Variants in TMEM143 observed in about 807,000 individuals in gnomAD.
TMEM143 encodes transmembrane protein 143.
Under a neutral mutation model 40.3 loss-of-function variants are expected in TMEM143, and 45 were observed. That is an observed-to-expected ratio of 1.12 (90% CI 0.88 to 1.43). TMEM143 has a LOEUF of 1.43. Among genes scored for constraint, TMEM143 ranks in the 40% most tolerant of loss-of-function variants. The pLI is 0.00. For missense variants in TMEM143, 620 were observed against 613.4 expected (o/e 1.01, Z -0.11); for synonymous variants, 299 against 282.7 (o/e 1.06, Z -0.58).
rs144983021 is a variant in TMEM143 at position 48,336,069 on chromosome 19, C to T, written c.976-1872G>A. Among the ~76,000 whole-genome samples the T allele has an allele frequency of 3.7e-3, 567 of 152,126 alleles. 3 individuals carry two copies. The highest frequency in any genetic ancestry group is 0.013 in the African/African-American group (520 of 41,488). On this transcript the variant is annotated intron_variant, in intron 6 of 7. Coordinates refer to ENST00000293261, the MANE Select transcript of TMEM143 (RefSeq NM_018273.4). The stretch of plus-strand genomic sequence containing the variant: ...TAAGGAGAAATGAGGGCATCAGTGC[C>T]CTCTGGGCTCCCACTGAAAAACTGT...
intron 3 of TMEM143, among the ~76,000 whole-genome samples, chr19:48,348,846 C>T (rs936748912): frequency 1.3e-5 from 2 of 152,118 alleles, no homozygotes; most frequent in Non-Finnish European, 2.9e-5. Context: ...CCTCACAGGA[C>T]CGTAAATCCC....
rs1185175779 is a variant in TMEM143 at position 48,345,324 on chromosome 19, C to A, written c.400G>T (p.Glu134Ter). 1 of 1,587,624 alleles carries A rather than the reference C, an allele frequency of 6.3e-7. No homozygotes were observed. Among genetic ancestry groups the A allele is most frequent in the Non-Finnish European group, 8.6e-7 (1 of 1,167,774 alleles). ...GTTAGTGATGGCTGATCGAGGGTCT[C>A]CCTGTCAGGGTTGATGGGGTCATAT... Reference protein sequence around the residue: ...ALYDPINPDRETLDQPSLTDP... With the variant: ...ALYDPINPDR Residue 134 changes from glutamate to a stop codon, truncating the protein, a stop_gained, in exon 4 of 8, where the codon GAG (glutamate) becomes TAG (stop). Coordinates refer to ENST00000293261, the MANE Select transcript of TMEM143 (RefSeq NM_018273.4). LOFTEE classifies it high-confidence loss of function.
At position 48,347,427 on chromosome 19, in the gene TMEM143, T is replaced by C. The variant is rs111645139; in HGVS notation, c.370-2073A>G. On this transcript the variant is annotated intron_variant, in intron 3 of 7. Coordinates refer to ENST00000293261, the MANE Select transcript of TMEM143 (RefSeq NM_018273.4). ...AAGGAGACTGGGATGCAGAAGAGAT[T>C]CAAAGGCCGGCACAGTGGCTCACGC... Among the ~76,000 whole-genome samples, 1,435 of 152,138 alleles carry C rather than the reference T, an allele frequency of 9.4e-3. 32 individuals are homozygous for C. Among genetic ancestry groups the C allele is most frequent in the African/African-American group, 0.033 (1,361 of 41,502 alleles).
In TMEM143 at chr19:48,332,535, A is replaced by G. The variant is rs1217114697; in HGVS notation, c.*684T>C. ...GTTGCCGGGAGCCAGGTTGGGAGCG[A>G]GTCTTGGTGGCGAGGGTGGTTTCTG... On this transcript the variant is annotated 3_prime_UTR_variant, in exon 8 of 8. Transcript: ENST00000293261. 1 of 152,184 alleles carries G rather than the reference A, an allele frequency of 6.6e-6. No homozygotes were observed. The highest frequency in any genetic ancestry group is 1.5e-5 in the Non-Finnish European group (1 of 68,050). 9.4% of individuals were successfully genotyped at this position (152,184 alleles called of 1,614,324 possible).
chr19:48,334,515 TTCTTTC>T (rs1161511724), intron 6 of TMEM143, among the ~76,000 whole-genome samples: 3 of 149,188 alleles, frequency 2.0e-5, no homozygotes, highest in African/African-American at 5.0e-5. Flanking sequence ...TTTCTTTTCT[TTCTTTC>T]TCTTTCTTTC....
At chr19:48,336,872 T>C (rs1969381489) in intron 6 of TMEM143, among the ~76,000 whole-genome samples, 1 of 146,630 alleles carries the variant, frequency 6.8e-6, no homozygotes, top group Non-Finnish European at 1.5e-5. Context: ...AAAAACAAAA[T>C]TAGCTGGGCG....
Position 48,345,166 on chromosome 19 carries a change from CT to C in TMEM143, c.557del (p.Glu186GlyfsTer4). ...YALVVHHPQD[E>X]VQVTVNLDQY... Reference sequence around the variant, plus strand: ...CTCCTAGGGAGCCAAGTACCTGGACCTCATCCTGAGGGTGGTGGACCACCAG... The same window carrying C: ...CTCCTAGGGAGCCAAGTACCTGGACCCATCCTGAGGGTGGTGGACCACCAG... On this transcript the variant is annotated frameshift_variant, in exon 4 of 8. Coordinates refer to ENST00000293261, the MANE Select transcript of TMEM143 (RefSeq NM_018273.4). LOFTEE classifies it high-confidence loss of function. The C allele has an allele frequency of 6.2e-7, 1 of 1,613,176 alleles. No homozygotes were observed. The highest frequency in any genetic ancestry group is 1.3e-5 in the African/African-American group (1 of 74,950).
chr19:48,348,392 C>T (rs1006272073), intron 3 of TMEM143, among the ~76,000 whole-genome samples: 13 of 152,134 alleles, frequency 8.5e-5, no homozygotes, highest in East Asian at 1.9e-4. Flanking sequence ...CCTCCCCACC[C>T]GCCTGGTCCC....
At chr19:48,339,821 C>T (rs547729617) in intron 6 of TMEM143, among the ~76,000 whole-genome samples, 26 of 151,876 alleles carry the variant, frequency 1.7e-4, no homozygotes, top group Non-Finnish European at 3.4e-4. Flanking sequence ...CTCCACCTCC[C>T]GAGTTCAAGT....
chr19:48,363,529 A>C lies in TMEM143; in HGVS notation c.26T>G (p.Leu9Arg), dbSNP rs1380865883. The change falls in exon 2 of 8, where the codon CTC becomes CGC. Residue 9 changes from leucine (L) to arginine (R), a missense_variant and splice_region_variant. Coordinates refer to ENST00000293261, the MANE Select transcript of TMEM143 (RefSeq NM_018273.4). Reference sequence around the variant, plus strand: ...CAGCATGGCTAGACCCTTTCCCCGGAGCCTAAACAGAGGAAAATGGGCAGG... The same window carrying C: ...CAGCATGGCTAGACCCTTTCCCCGGCGCCTAAACAGAGGAAAATGGGCAGG... MTVELWLR[L>R]RGKGLAMLHV... 6.3e-7 allele frequency: 1 copy of C among 1,597,772 alleles called. No homozygotes were observed. Among genetic ancestry groups the C allele is most frequent in the East Asian group, 2.2e-5 (1 of 44,592 alleles).
intron 3 of TMEM143, among the ~76,000 whole-genome samples, chr19:48,349,124 T>C (rs575071111): frequency 6.6e-6 from 1 of 151,660 alleles, no homozygotes; most frequent in Admixed American, 6.6e-5. Context: ...CCCAGGAGAT[T>C]AAGTCTATAG....
intron 3 of TMEM143, among the ~76,000 whole-genome samples, chr19:48,351,708 C>T (rs1969778516): frequency 6.6e-6 from 1 of 152,118 alleles, no homozygotes; most frequent in Non-Finnish European, 1.5e-5. Context: ...CGTGGAGTTC[C>T]CTCACATCTC....
chr19:48,335,931 G>C (rs1969356675), intron 6 of TMEM143, among the ~76,000 whole-genome samples: 1 of 151,988 alleles, frequency 6.6e-6, no homozygotes, highest in Non-Finnish European at 1.5e-5. Flanking sequence ...GAGAAGAGGA[G>C]AGGGGAAGGA....
chr19:48,358,997 A>T (rs4802470), intron 3 of TMEM143, among the ~76,000 whole-genome samples: 2 of 152,078 alleles, frequency 1.3e-5, no homozygotes, highest in African/African-American at 2.4e-5. Flanking sequence ...GGTGAAACCC[A>T]GTCTCTACAA....
At position 48,333,974 on chromosome 19, in the gene TMEM143, C is replaced by T; in HGVS notation, c.1165+34G>A. 1 of 1,496,616 alleles carries T rather than the reference C, an allele frequency of 6.7e-7. No homozygotes were observed. 92.7% of individuals were successfully genotyped at this position (1,496,616 alleles called of 1,614,324 possible). ...GGGGCGGGGCCTCGCGGGGGTGTGG[C>T]CCCTGGGGGCAGGGTCCCAGGGCCA... On this transcript the variant is annotated intron_variant, in intron 7 of 7. Coordinates refer to ENST00000293261, the MANE Select transcript of TMEM143 (RefSeq NM_018273.4). The surrounding 1 kb of genome is among the most constrained non-coding windows in gnomAD (Gnocchi z 4.1).
chr19:48,335,526 A>G (rs1969348827), intron 6 of TMEM143, among the ~76,000 whole-genome samples: 1 of 152,162 alleles, frequency 6.6e-6, no homozygotes, highest in Admixed American at 6.5e-5. Context: ...GAAGTTCGAG[A>G]CCAGCCTGAC....
At position 48,342,840 on chromosome 19, in the gene TMEM143, A is replaced by G. The variant is rs759581635; in HGVS notation, c.696-31T>C. ...GGACAGAGACAGAGGCAGGAGCAGGATCGGGACTGCACTGCCCGGGGAGCC... is the reference window on the plus strand; with the variant it reads ...GGACAGAGACAGAGGCAGGAGCAGGGTCGGGACTGCACTGCCCGGGGAGCC... On this transcript the variant is annotated intron_variant, in intron 5 of 7. Coordinates refer to ENST00000293261, the MANE Select transcript of TMEM143 (RefSeq NM_018273.4). 30 of 1,572,974 alleles carry G rather than the reference A, an allele frequency of 1.9e-5. No individual in the cohort carries two copies. The African/African-American group carries it at 3.5e-4, about 18-fold the overall frequency.
chr19:48,335,991 T>C (rs1969358078), intron 6 of TMEM143, among the ~76,000 whole-genome samples: 3 of 152,166 alleles, frequency 2.0e-5, no homozygotes, highest in Admixed American at 1.3e-4. Context: ...GGCTGCCCAC[T>C]TCCCCACCGT....
chr19:48,351,075 G>A (rs1331998138), intron 3 of TMEM143, among the ~76,000 whole-genome samples: 1 of 151,732 alleles, frequency 6.6e-6, no homozygotes, highest in Non-Finnish European at 1.5e-5. Flanking sequence ...CAGATATCTC[G>A]CTTGAGCTCC....
Sources: gnomAD v4.1 joint callset for allele counts (sites outside exome capture counted in the v4.1 genomes callset) on GRCh38, gnomAD v4.1.1 for gene constraint, Gnocchi (gnomAD v3.1) non-coding constraint, MANE v1.5 for transcripts, NCBI Gene and HGNC (gene_info 2026-07-23, HGNC 2026-07-21) for gene names.